MTUS2: variants seen among roughly 807,000 people sequenced by gnomAD.
MTUS2 encodes microtubule associated scaffold protein 2.
In MTUS2, 40 loss-of-function variants were observed where a neutral mutation model predicts 114.1. The observed-to-expected ratio is 0.35, with a 90% CI of 0.27 to 0.46. MTUS2 has a LOEUF of 0.46. Ranked by LOEUF, MTUS2 falls within the 20% of genes least tolerant of loss-of-function variation. The pLI is 1.00. For missense variants in MTUS2, 1,679 were observed against 1,705.4 expected, an observed-to-expected ratio of 0.98 and a Z score of 0.27; for synonymous variants, 688 against 672.0, an observed-to-expected ratio of 1.02 and a Z score of -0.37.
intron 8 of MTUS2, among the ~76,000 whole-genome samples, chr13:29,388,882 G>A (rs747479695): frequency 6.6e-6 from 1 of 151,766 alleles, no homozygotes; most frequent in Non-Finnish European, 1.5e-5. Flanking sequence ...GTGTCCATTT[G>A]AACTGAAAAA....
intron 9 of MTUS2, among the ~76,000 whole-genome samples, chr13:29,479,325 G>A (rs549504295): frequency 2.6e-5 from 4 of 152,360 alleles, no homozygotes; most frequent in African/African-American, 7.2e-5. Context: ...GGAAGCAGGT[G>A]TGCAGCTCAG....
intron 5 of MTUS2, among the ~76,000 whole-genome samples, chr13:29,188,429 A>G (rs1416155811): frequency 6.6e-6 from 1 of 152,182 alleles, no homozygotes. Flanking sequence ...TAAATTGTTT[A>G]TTTCTTACAT....
chr13:29,186,387 A>G (rs996589102), intron 5 of MTUS2, among the ~76,000 whole-genome samples: 17 of 152,258 alleles, frequency 1.1e-4, no homozygotes, highest in African/African-American at 3.6e-4. Context: ...TTTAGATCCA[A>G]TGTATACACA....
chr13:29,259,578 C>G (rs1203998382), intron 5 of MTUS2, among the ~76,000 whole-genome samples: 6 of 152,076 alleles, frequency 3.9e-5, no homozygotes. Context: ...TATTTATTAG[C>G]CTGTTTATGA....
At chr13:29,407,494 T>A (rs77035520) in intron 8 of MTUS2, among the ~76,000 whole-genome samples, 1 of 113,204 alleles carries the variant, frequency 8.8e-6, no homozygotes, top group East Asian at 2.4e-4. Context: ...TTATTTATTT[T>A]GAGATGGAGT....
At chr13:29,107,046 C>A (rs1413114041) in intron 5 of MTUS2, among the ~76,000 whole-genome samples, 1 of 152,086 alleles carries the variant, frequency 6.6e-6, no homozygotes, top group Non-Finnish European at 1.5e-5. Context: ...CTGGAATACA[C>A]CTCCCCCGGC....
chr13:29,443,194 A>G (rs1002220454), intron 9 of MTUS2, among the ~76,000 whole-genome samples: 13 of 152,130 alleles, frequency 8.5e-5, no homozygotes, highest in African/African-American at 2.7e-4. Context: ...TGTAAAGGTG[A>G]CTCTCATAAC....
intron 5 of MTUS2, among the ~76,000 whole-genome samples, chr13:29,118,622 T>C (rs7981556): frequency 0.22 from 32,857 of 152,134 alleles, 3,808 homozygotes; most frequent in African/African-American, 0.27. Context: ...GTTAGCAGTG[T>C]GTAGGTACTG....
chr13:28,914,636 A>T (rs139393964), intron 2 of MTUS2, among the ~76,000 whole-genome samples: 4 of 152,014 alleles, frequency 2.6e-5, no homozygotes, highest in African/African-American at 4.8e-5. Flanking sequence ...GGTCCTGAAT[A>T]TCTTTGTTAA....
At chr13:29,222,612 T>C (rs575646411) in intron 5 of MTUS2, among the ~76,000 whole-genome samples, 2 of 152,334 alleles carry the variant, frequency 1.3e-5, no homozygotes, top group South Asian at 4.1e-4. Flanking sequence ...GGCTGCATGC[T>C]CCACAGAGCC....
At chr13:29,013,844 A>G (rs1302972203) in intron 2 of MTUS2, among the ~76,000 whole-genome samples, 1 of 152,072 alleles carries the variant, frequency 6.6e-6, no homozygotes, top group Admixed American at 6.6e-5. Flanking sequence ...TCATTTCCCC[A>G]CCCCTTCAAT....
At chr13:28,852,900 A>AATACATACCTACATAC (rs1876375553) in intron 2 of MTUS2, among the ~76,000 whole-genome samples, 1 of 148,490 alleles carries the variant, frequency 6.7e-6, no homozygotes, top group Non-Finnish European at 1.5e-5. Context: ...CTCTGTCTTA[A>AATACATACCTACATAC]ATACATACAT....
chr13:29,027,022 T>A (rs1411374049), intron 3 of MTUS2, 119 bp downstream of exon 3: 1 of 1,086,604 alleles, frequency 9.2e-7, no homozygotes. Context: ...TTTTCATGGA[T>A]ACACTTGTGA....
At chr13:28,910,609 CT>C (rs1351619856) in intron 2 of MTUS2, among the ~76,000 whole-genome samples, 2 of 151,950 alleles carry the variant, frequency 1.3e-5, no homozygotes, top group African/African-American at 2.4e-5. Flanking sequence ...TAAGCTCTCA[CT>C]TATAAGTGAA....
intron 6 of MTUS2, among the ~76,000 whole-genome samples, chr13:29,305,775 T>TA (rs1899422688): frequency 6.6e-6 from 1 of 152,236 alleles, no homozygotes; most frequent in Admixed American, 6.5e-5. Flanking sequence ...GACTCCTTCC[T>TA]AACTCATTCT....
At chr13:29,478,369 T>C (rs1303136030) in intron 9 of MTUS2, among the ~76,000 whole-genome samples, 2 of 152,172 alleles carry the variant, frequency 1.3e-5, no homozygotes, top group African/African-American at 2.4e-5. Context: ...TGGGGAGATA[T>C]GAGGTTCATG....
At chr13:29,097,923 A>G (rs886742377) in intron 4 of MTUS2, among the ~76,000 whole-genome samples, 20 of 152,178 alleles carry the variant, frequency 1.3e-4, no homozygotes, top group African/African-American at 4.8e-4. Context: ...GAGAAATAGT[A>G]AGTACTATAT....
At chr13:29,035,826 C>T (rs530302582) in intron 4 of MTUS2, among the ~76,000 whole-genome samples, 1 of 152,084 alleles carries the variant, frequency 6.6e-6, no homozygotes, top group Admixed American at 6.5e-5. Context: ...TAAAAAATAA[C>T]TTCTGGAATA....
chr13:28,827,393 A>C (rs1345115299), intron 1 of MTUS2, among the ~76,000 whole-genome samples: 1 of 152,152 alleles, frequency 6.6e-6, no homozygotes, highest in Non-Finnish European at 1.5e-5. Context: ...GCAGATTTTG[A>C]AGTTATTTTA....
Sources: gnomAD v4.1 joint callset for allele counts (sites outside exome capture counted in the v4.1 genomes callset) on GRCh38, gnomAD v4.1.1 for gene constraint, MANE v1.5 for transcripts, NCBI Gene and HGNC (gene_info 2026-07-23, HGNC 2026-07-21) for gene names.